NHLH2: variants seen among roughly 807,000 people sequenced by gnomAD.
NHLH2 encodes helix-loop-helix protein 2.
Under a neutral mutation model 7.3 loss-of-function variants are expected in NHLH2, and 7 were observed. That is an observed-to-expected ratio of 0.96 (90% CI 0.55 to 1.81). The LOEUF (loss-of-function observed/expected upper bound fraction) is 1.81, where lower values mean the gene tolerates loss of function less well. Among genes scored for constraint, NHLH2 ranks in the 40% most tolerant of loss-of-function variants. The pLI, the probability that NHLH2 is intolerant of heterozygous loss-of-function variation, is 0.00. For missense variants in NHLH2, 155 were observed against 194.0 expected, an observed-to-expected ratio of 0.80 and a Z score of 1.19; for synonymous variants, 93 against 91.6, an observed-to-expected ratio of 1.01 and a Z score of -0.09.
chr1:115,836,738 C>T lies in NHLH2; in HGVS notation c.*1227G>A, dbSNP rs1367326922. On this transcript the variant is annotated 3_prime_UTR_variant, in exon 3 of 3. Transcript: ENST00000320238. ...AAATTCATCACACGCACAAACATCA[C>T]ACACACAAAGAAGCTACTCTCCTTA... The T allele has an allele frequency of 6.6e-6, 1 of 151,912 alleles. No homozygotes were observed. The highest frequency in any genetic ancestry group is 1.9e-4 in the East Asian group (1 of 5,182). The allele number at this position is 151,912 out of a possible 1,614,324, so 9.4% of individuals were successfully genotyped here. A position where few individuals can be genotyped will look rare whatever the true frequency, so the allele number is the denominator to read the frequency against.
downstream of NHLH2, among the ~76,000 whole-genome samples, chr1:115,835,720 GCATATGTACATATAGTTTTTAAGTCATT>G (rs1339029929): frequency 2.0e-5 from 3 of 152,194 alleles, no homozygotes; most frequent in Non-Finnish European, 4.4e-5. Flanking sequence ...TTCTATATAT[GCATATGTACATATAGTTTTTAAGTCATT>G]TATGTCTTCT....
downstream of NHLH2, among the ~76,000 whole-genome samples, chr1:115,834,709 C>T (rs536416183): frequency 1.3e-5 from 2 of 152,284 alleles, no homozygotes; most frequent in Non-Finnish European, 2.9e-5. Context: ...TATTTTTCTT[C>T]ATAGCATTTA....
intron 2 of NHLH2, chr1:115,838,630 C>T (rs1018884962): frequency 4.0e-5 from 17 of 422,972 alleles, no homozygotes; most frequent in Non-Finnish European, 6.8e-5. Flanking sequence ...GACTGGACAC[C>T]TCGACTTGCA....
At position 115,838,290 on chromosome 1, in the gene NHLH2, T is replaced by G. The variant is rs371217803; in HGVS notation, c.83A>C (p.Asp28Ala). The stretch of plus-strand genomic sequence containing the variant: ...CGACACGCTGCCGAGCACCTTGGTG[T>G]CCGTGCCGCCCAGGGACTCCGGATC... The part of the protein sequence containing the change: ...HSDPESLGGT[D>A]TKVLGSVSDL... Residue 28 changes from aspartate to alanine, a missense_variant, in exon 3 of 3, where the codon GAC (aspartate) becomes GCC (alanine). Physicochemically the swap from Asp to Ala is moderately radical, Grantham distance 126. This residue lies in a region of NHLH2 where 91 missense variants were observed against 86.6 expected (regional missense o/e 1.05). Transcript: ENST00000320238. The G allele has an allele frequency of 5.6e-5, 90 of 1,607,960 alleles. No homozygotes were observed. The highest frequency in any genetic ancestry group is 6.4e-5 in the Non-Finnish European group (76 of 1,178,854).
downstream of NHLH2, among the ~76,000 whole-genome samples, chr1:115,832,980 A>T (rs966106803): frequency 2.6e-5 from 4 of 152,200 alleles, no homozygotes; most frequent in African/African-American, 9.7e-5. Context: ...AGGAATATTT[A>T]ATCTCTGGAG....
downstream of NHLH2, among the ~76,000 whole-genome samples, chr1:115,834,556 T>C (rs964208194): frequency 6.6e-6 from 1 of 152,136 alleles, no homozygotes; most frequent in Non-Finnish European, 1.5e-5. Context: ...TGGCAGCAAC[T>C]GTATAAGCTG....
chr1:115,833,155 G>A (rs764615892), downstream of NHLH2, among the ~76,000 whole-genome samples: 15 of 152,206 alleles, frequency 9.9e-5, no homozygotes, highest in Non-Finnish European at 1.8e-4. Flanking sequence ...AGAATGGGCT[G>A]GAAGGTGCAG....
chr1:115,838,684 G>A (rs1159698788), intron 2 of NHLH2: 3 of 348,946 alleles, frequency 8.6e-6, no homozygotes, highest in Non-Finnish European at 1.1e-5. Context: ...GGGAACAACC[G>A]CAGGCCTGTG....
chr1:115,836,816 C>CT lies in NHLH2; in HGVS notation c.*1148dup, dbSNP rs1389589882. 1 of 152,024 alleles carries CT rather than the reference C, an allele frequency of 6.6e-6. No individual in the cohort carries two copies. Among genetic ancestry groups the CT allele is most frequent in the African/African-American group, 2.4e-5 (1 of 41,394 alleles). 9.4% of individuals were successfully genotyped at this position (152,024 alleles called of 1,614,324 possible). A position where few individuals can be genotyped will look rare whatever the true frequency, so the allele number is the denominator to read the frequency against. On this transcript the variant is annotated 3_prime_UTR_variant, in exon 3 of 3. Transcript: ENST00000320238. ...CATAACTACAGATAAGAATAATACA[C>CT]TTTTTAAAAAACTATAATAGTGAAG...
chr1:115,838,462 G>C (rs1650949502), intron 2 of NHLH2, 82 bp from the exon 3 acceptor site: 2 of 1,481,196 alleles, frequency 1.4e-6, no homozygotes, highest in Non-Finnish European at 1.8e-6. Flanking sequence ...CTACCACGCC[G>C]GTCCTCCCAG....
Position 115,838,277 on chromosome 1 carries a change from G to T in NHLH2, c.96C>A (p.Leu32=). 1 of 1,604,622 alleles carries T rather than the reference G, an allele frequency of 6.2e-7. No homozygotes were observed. The highest frequency in any genetic ancestry group is 8.5e-7 in the Non-Finnish European group (1 of 1,177,490). The change falls in exon 3 of 3, where the codon CTC becomes CTA. Residue 32 remains leucine (L), a synonymous_variant. Transcript: ENST00000320238. ...CCGGCTCCAGGTCCGACACGCTGCC[G>T]AGCACCTTGGTGTCCGTGCCGCCCA... ...ESLGGTDTKV[L]GSVSDLEPVE...
chr1:115,834,486 T>C (rs891819357), downstream of NHLH2, among the ~76,000 whole-genome samples: 1 of 152,144 alleles, frequency 6.6e-6, no homozygotes, highest in Non-Finnish European at 1.5e-5. Flanking sequence ...CACAGACTGT[T>C]TTGGTCGCAT....
intron 2 of NHLH2, 154 bp from the exon 3 acceptor site, chr1:115,838,534 A>G (rs1650952802): frequency 1.2e-6 from 1 of 813,272 alleles, no homozygotes; most frequent in African/African-American, 1.9e-5. Flanking sequence ...GAGGGCGCCG[A>G]TAGGATCTGG....
In NHLH2 at chr1:115,838,225, C is replaced by A. The variant is rs1164978489; in HGVS notation, c.148G>T (p.Gly50Cys). Residue 50 changes from glycine to cysteine, a missense_variant, in exon 3 of 3, where the codon GGC becomes TGC. Physicochemically the swap from Gly to Cys is radical, Grantham distance 159. Coordinates refer to ENST00000320238, the MANE Select transcript of NHLH2 (RefSeq NM_005599.3). ...GGGTAGAGCGCGGCTCGGCTGCCGC[C>A]CTTGCCGTCGCCCTCGGCCTCCTCC... ...PVEEAEGDGK[G>C]GSRAALYPHP... 1 of 1,559,154 alleles carries A rather than the reference C, an allele frequency of 6.4e-7. No homozygotes were observed. The highest frequency in any genetic ancestry group is 1.9e-5 in the Admixed American group (1 of 51,992).
intron 2 of NHLH2, chr1:115,839,982 A>G (rs1651018830): frequency 6.0e-6 from 1 of 167,094 alleles, no homozygotes; most frequent in African/African-American, 2.4e-5. Context: ...GGGCAGAAAT[A>G]AATAGACGAG....
downstream of NHLH2, among the ~76,000 whole-genome samples, chr1:115,835,890 A>T (rs1650858263): frequency 1.3e-5 from 2 of 151,910 alleles, no homozygotes; most frequent in Non-Finnish European, 2.9e-5. Flanking sequence ...GAATCTGTGT[A>T]CTGATTGGAT....
intron 2 of NHLH2, 182 bp from the exon 3 acceptor site, chr1:115,838,562 T>A: frequency 1.8e-6 from 1 of 568,376 alleles, no homozygotes; most frequent in Non-Finnish European, 2.9e-6. Flanking sequence ...GCGCGAGCCC[T>A]GCGCCTCGCC....
In NHLH2 at chr1:115,837,747, C is replaced by G. The variant is rs936634288; in HGVS notation, c.*218G>C. On this transcript the variant is annotated 3_prime_UTR_variant, in exon 3 of 3. Transcript: ENST00000320238. ...CTGGAAAATCCCCCCTGCGAGCCCCCGGGCTCGCCAGACAACCCCACCTGC... is the reference window on the plus strand; with the variant it reads ...CTGGAAAATCCCCCCTGCGAGCCCCGGGGCTCGCCAGACAACCCCACCTGC... 2 of 546,986 alleles carry G rather than the reference C, an allele frequency of 3.7e-6. No homozygotes were observed. Among genetic ancestry groups the G allele is most frequent in the South Asian group, 2.4e-5 (1 of 42,346 alleles). The allele number at this position is 546,986 out of a possible 1,614,324, so 33.9% of individuals were successfully genotyped here.
At position 115,838,264 on chromosome 1, in the gene NHLH2, C is replaced by G; in HGVS notation, c.109G>C (p.Asp37His). The G allele has an allele frequency of 6.3e-7, 1 of 1,595,264 alleles. No individual in the cohort carries two copies. The highest frequency in any genetic ancestry group is 8.5e-7 in the Non-Finnish European group (1 of 1,173,160). ...TCGGCCTCCTCCACCGGCTCCAGGT[C>G]CGACACGCTGCCGAGCACCTTGGTG... ...TDTKVLGSVS[D>H]LEPVEEAEGD... Residue 37 changes from aspartate (D) to histidine (H), a missense_variant, in exon 3 of 3, where the codon GAC becomes CAC. Asp to His is a moderately conservative substitution (Grantham distance 81, BLOSUM62 -1). Coordinates refer to ENST00000320238, the MANE Select transcript of NHLH2 (RefSeq NM_005599.3).
Sources: allele counts gnomAD v4.1 joint callset (sites outside exome capture counted in the v4.1 genomes callset), GRCh38; gene constraint gnomAD v4.1.1; regional missense constraint gnomAD v4.1.1; transcripts MANE v1.5; gene names NCBI Gene and HGNC (gene_info 2026-07-23, HGNC 2026-07-21).